Variants in RNF150 observed in about 807,000 individuals in gnomAD.
The protein encoded by RNF150 is ring finger protein 150.
In RNF150, 24 loss-of-function variants were observed where a neutral mutation model predicts 39.3. That is an observed-to-expected ratio of 0.61 (90% confidence interval 0.44 to 0.86). The LOEUF (loss-of-function observed/expected upper bound fraction) is 0.86, where lower values mean the gene tolerates loss of function less well. Among genes scored for constraint, RNF150 ranks in the 40% least tolerant of loss-of-function variants. The pLI is 0.00. For synonymous variants in RNF150, 255 were observed against 227.3 expected (o/e 1.12, Z -1.10); for missense variants, 502 against 587.8 (o/e 0.85, Z 1.51).
intron 6 of RNF150, among the ~76,000 whole-genome samples, chr4:140,902,835 T>A (rs372290860): frequency 2.6e-4 from 40 of 152,266 alleles, no homozygotes; most frequent in African/African-American, 9.4e-4. Context: ...TCCAGCCTCC[T>A]CCACCCACTG....
At chr4:140,887,003 C>T (rs1326180829) in intron 6 of RNF150, among the ~76,000 whole-genome samples, 2 of 152,076 alleles carry the variant, frequency 1.3e-5, no homozygotes, top group Non-Finnish European at 2.9e-5. Context: ...TCATTTTCCC[C>T]CAAAATTTTT....
At chr4:141,043,046 C>T (rs1267388397) in intron 1 of RNF150, among the ~76,000 whole-genome samples, 1 of 152,014 alleles carries the variant, frequency 6.6e-6, no homozygotes, top group Non-Finnish European at 1.5e-5. Flanking sequence ...GTGATCAAGT[C>T]ATTTGTGGGA....
intron 1 of RNF150, among the ~76,000 whole-genome samples, chr4:141,051,656 A>T (rs890084866): frequency 1.3e-5 from 2 of 152,118 alleles, no homozygotes; most frequent in East Asian, 3.9e-4. Context: ...TCTCATCTCC[A>T]TCTGGGACCA....
chr4:140,868,106 C>G lies in RNF150; in HGVS notation c.*155G>C. 1 of 589,140 alleles carries G rather than the reference C, an allele frequency of 1.7e-6. No individual in the cohort carries two copies. 36.5% of individuals were successfully genotyped at this position (589,140 alleles called of 1,614,324 possible). A position where few individuals can be genotyped will look rare whatever the true frequency, so the allele number is the denominator to read the frequency against. On this transcript the variant is annotated 3_prime_UTR_variant, in exon 7 of 7. Transcript: ENST00000515673. Reference sequence around the variant, plus strand: ...AGAAACTGCATCCTGATTGACAAGACTTTGGATATTGCTTTTCGTCAGCAT... The same window carrying G: ...AGAAACTGCATCCTGATTGACAAGAGTTTGGATATTGCTTTTCGTCAGCAT...
chr4:140,969,972 C>G (rs1733400344), intron 1 of RNF150, among the ~76,000 whole-genome samples: 1 of 151,996 alleles, frequency 6.6e-6, no homozygotes, highest in African/African-American at 2.4e-5. Flanking sequence ...CCATATTGGC[C>G]AGGCTCGTCT....
In RNF150 at chr4:141,014,257, T is replaced by C. The variant is rs1013376445; in HGVS notation, c.485-46384A>G. 2.0e-5 allele frequency among the ~76,000 whole-genome samples: 3 copies of C among 152,322 alleles called. No homozygotes were observed. In the East Asian group the frequency reaches 5.8e-4, roughly 29 times the overall value. ...ATTCAACAGCTGGTGGACACTTAGATTGTTTTCATATCTTGACTATTTGTG... is the reference window on the plus strand; with the variant it reads ...ATTCAACAGCTGGTGGACACTTAGACTGTTTTCATATCTTGACTATTTGTG... On this transcript the variant is annotated intron_variant, in intron 1 of 6. Coordinates refer to ENST00000515673, the MANE Select transcript of RNF150 (RefSeq NM_020724.2).
At chr4:141,205,018 G>T (rs4645293) in intron 1 of RNF150, among the ~76,000 whole-genome samples, 77,905 of 151,950 alleles carry the variant, frequency 0.51, 20,436 homozygotes, top group East Asian at 0.8. Flanking sequence ...GGATAAACAT[G>T]CTTAAAATAA....
chr4:141,211,052 A>T (rs1361274322), intron 1 of RNF150, among the ~76,000 whole-genome samples: 1 of 152,176 alleles, frequency 6.6e-6, no homozygotes, highest in Non-Finnish European at 1.5e-5. Context: ...TCAGTACTAA[A>T]GTTCTTGCAT....
chr4:141,148,630 A>G lies in RNF150; in HGVS notation c.-6+64164T>C, dbSNP rs547282651. On this transcript the variant is annotated intron_variant, in intron 1 of 7. Coordinates refer to the RNF150 transcript ENST00000420921. ...TACTTCTTTTGTATTTTCTAGAGACAGGGTTTCACCATGTTGGACAGGCTG... is the reference window on the plus strand; with the variant it reads ...TACTTCTTTTGTATTTTCTAGAGACGGGGTTTCACCATGTTGGACAGGCTG... 3.9e-5 allele frequency among the ~76,000 whole-genome samples: 6 copies of G among 152,230 alleles called. 1 individual carries two copies. The East Asian group carries it at 9.7e-4, about 25-fold the overall frequency.
intron 1 of RNF150, among the ~76,000 whole-genome samples, chr4:141,194,013 C>G (rs1459936425): frequency 6.6e-6 from 1 of 152,216 alleles, no homozygotes; most frequent in Non-Finnish European, 1.5e-5. Flanking sequence ...TTTTGATTCT[C>G]ATATGCACAT....
chr4:141,139,234 G>C lies in RNF150; in HGVS notation c.-6+73560C>G, dbSNP rs116247156. Among the ~76,000 whole-genome samples, 290 of 152,208 alleles carry C rather than the reference G, an allele frequency of 1.9e-3. 1 individual carries two copies. Among genetic ancestry groups the C allele is most frequent in the African/African-American group, 6.6e-3 (272 of 41,522 alleles). ...ACCCTGTCTCGAAAAAATAAAGTAG[G>C]GTATTCATTTATGTTTATATGGTTG... On this transcript the variant is annotated intron_variant, in intron 1 of 7. Coordinates refer to the RNF150 transcript ENST00000420921.
At chr4:141,174,344 AGGC>A (rs1727774745) in intron 1 of RNF150, among the ~76,000 whole-genome samples, 1 of 152,148 alleles carries the variant, frequency 6.6e-6, no homozygotes, top group African/African-American at 2.4e-5. Flanking sequence ...TGCTGGGACC[AGGC>A]ACACTGAGCA....
chr4:140,990,482 C>A (rs527852430), intron 1 of RNF150, among the ~76,000 whole-genome samples: 13 of 152,166 alleles, frequency 8.5e-5, no homozygotes, highest in African/African-American at 3.1e-4. Context: ...TTTCCTAATG[C>A]TATCCCTCCT....
At chr4:141,103,657 A>T (rs1739097219) in intron 1 of RNF150, among the ~76,000 whole-genome samples, 1 of 152,222 alleles carries the variant, frequency 6.6e-6, no homozygotes, top group Non-Finnish European at 1.5e-5. Context: ...CCCATATCAC[A>T]TGCAATGAAT....
At chr4:141,035,398 G>A (rs1736102372) in intron 1 of RNF150, among the ~76,000 whole-genome samples, 1 of 152,180 alleles carries the variant, frequency 6.6e-6, no homozygotes, top group Admixed American at 6.6e-5. Context: ...CCTCATTACA[G>A]TTTACCCTAA....
chr4:141,198,246 C>T (rs752622937), intron 1 of RNF150, among the ~76,000 whole-genome samples: 27 of 152,100 alleles, frequency 1.8e-4, no homozygotes, highest in Non-Finnish European at 2.6e-4. Context: ...AGGCTGGTCT[C>T]GAACTCCTGA....
intron 1 of RNF150, among the ~76,000 whole-genome samples, chr4:140,998,932 A>G (rs1734479534): frequency 6.6e-6 from 1 of 152,224 alleles, no homozygotes; most frequent in Admixed American, 6.5e-5. Context: ...TAAAAACAGC[A>G]GCCTGTAACC....
chr4:140,916,646 A>G (rs1172280708), intron 5 of RNF150, among the ~76,000 whole-genome samples: 2 of 152,254 alleles, frequency 1.3e-5, no homozygotes, highest in Non-Finnish European at 2.9e-5. Flanking sequence ...GAACTTCCCC[A>G]GTCTAGCAAG....
At chr4:141,095,515 C>A (rs532767339) in intron 1 of RNF150, among the ~76,000 whole-genome samples, 17 of 152,160 alleles carry the variant, frequency 1.1e-4, no homozygotes, top group Admixed American at 2.6e-4. Flanking sequence ...ATCCTACATG[C>A]GTCAAAATGA....
Sources: gnomAD v4.1 joint callset for allele counts (sites outside exome capture counted in the v4.1 genomes callset) on GRCh38, gnomAD v4.1.1 for gene constraint, MANE v1.5 for transcripts, NCBI Gene and HGNC (gene_info 2026-07-23, HGNC 2026-07-21) for gene names.